Variants in CPNE5 observed in about 807,000 individuals in gnomAD.
CPNE5 encodes the protein copine 5.
In CPNE5, 42 loss-of-function variants were observed where a neutral mutation model predicts 81.1. That is an observed-to-expected ratio of 0.52 (90% CI 0.40 to 0.67). The LOEUF is 0.67. Ranked by LOEUF, CPNE5 falls within the 30% of genes least tolerant of loss-of-function variation. The pLI is 0.00. For synonymous variants in CPNE5, 313 were observed against 321.5 expected (o/e 0.97, Z 0.28); for missense variants, 612 against 815.5 (o/e 0.75, Z 3.04).
At chr6:36,811,663 T>G (rs1315021441) in intron 3 of CPNE5, among the ~76,000 whole-genome samples, 1 of 152,198 alleles carries the variant, frequency 6.6e-6, no homozygotes, top group African/African-American at 2.4e-5. Context: ...AGCCAACTCC[T>G]TTCTTCAAAT....
At chr6:36,743,017 G>A in intron 20 of CPNE5, 1 of 985,408 alleles carries the variant, frequency 1.0e-6, no homozygotes, top group Non-Finnish European at 1.2e-6. Context: ...CTTAGCATGG[G>A]CCGGTCCCAC....
chr6:36,827,108 A>T (rs1772566381), intron 1 of CPNE5, among the ~76,000 whole-genome samples: 1 of 151,882 alleles, frequency 6.6e-6, no homozygotes, highest in Admixed American at 6.6e-5. Flanking sequence ...CCCGCCCCCA[A>T]CACACTCCCA....
intron 1 of CPNE5, among the ~76,000 whole-genome samples, chr6:36,825,335 G>T (rs1426209442): frequency 2.0e-5 from 3 of 152,168 alleles, no homozygotes; most frequent in Admixed American, 6.5e-5. Flanking sequence ...CAGTCCCTGA[G>T]CAGATTCCTA....
chr6:36,768,225 C>CTTTTTCTTTTTTTTTTTTTTT, intron 10 of CPNE5, among the ~76,000 whole-genome samples: 1 of 60,514 alleles, frequency 1.7e-5, no homozygotes, highest in Non-Finnish European at 3.0e-5. Flanking sequence ...ATTCACAGTT[C>CTTTTTCTTTTTTTTTTTTTTT]TTTTTTTTTT....
chr6:36,800,011 A>C lies in CPNE5; in HGVS notation c.243T>G (p.Ile81Met). The C allele has an allele frequency of 6.2e-7, 1 of 1,614,102 alleles. No individual in the cohort carries two copies. The highest frequency in any genetic ancestry group is 8.5e-7 in the Non-Finnish European group (1 of 1,180,014). ...TLNPDFVRKF[I>M]VDYFFEEKQN... ...GCTTCTCCTCGAAAAAGTAATCCAC[A>C]ATGAACTTGCGCACGAAGTCAGGAT... The change falls in exon 4 of 21, where the codon ATT becomes ATG. Residue 81 changes from isoleucine to methionine, a missense_variant. Transcript: ENST00000244751.
At chr6:36,776,982 G>A (rs749834277) in intron 9 of CPNE5, among the ~76,000 whole-genome samples, 54 of 152,200 alleles carry the variant, frequency 3.5e-4, no homozygotes, top group Non-Finnish European at 6.6e-4. Flanking sequence ...GCGGGCCTCC[G>A]GATCAGTTTC....
At position 36,783,116 on chromosome 6, in the gene CPNE5, A is replaced by G. The variant is rs146865641; in HGVS notation, c.529-4159T>C. Among the ~76,000 whole-genome samples, 156 of 152,302 alleles carry G rather than the reference A, an allele frequency of 1.0e-3. 1 individual carries two copies. The highest frequency in any genetic ancestry group is 3.3e-3 in the African/African-American group (139 of 41,560). ...ACCTCATACTAGGGTGAACCATATG[A>G]AATTGCCAATAATCAGCTGTTGTTT... On this transcript the variant is annotated intron_variant, in intron 8 of 20. Transcript: ENST00000244751.
In CPNE5 at chr6:36,798,440, A is replaced by T. The variant is rs1769792709; in HGVS notation, c.327+15T>A. The stretch of plus-strand genomic sequence containing the variant: ...GAAACTATGGAATTGCTGAGCAGTT[A>T]CTGGCAGAACTCACGTGTTTGGATA... On this transcript the variant is annotated intron_variant, in intron 5 of 20. Transcript: ENST00000244751. 5 of 1,613,256 alleles carry T rather than the reference A, an allele frequency of 3.1e-6. No homozygotes were observed. In the African/African-American group the frequency reaches 6.7e-5, roughly 22 times the overall value.
chr6:36,781,576 A>C (rs2150475968), intron 8 of CPNE5, among the ~76,000 whole-genome samples: 1 of 152,272 alleles, frequency 6.6e-6, no homozygotes, highest in Middle Eastern at 3.4e-3. Context: ...CCTCAGGAGA[A>C]AGTTCTAATC....
At chr6:36,829,629 A>G (rs1772807308) in intron 1 of CPNE5, among the ~76,000 whole-genome samples, 1 of 151,792 alleles carries the variant, frequency 6.6e-6, no homozygotes, top group South Asian at 2.1e-4. Flanking sequence ...CCTGACCAAT[A>G]TGGTGAAACC....
intron 8 of CPNE5, among the ~76,000 whole-genome samples, chr6:36,786,113 C>T (rs1768521669): frequency 6.6e-6 from 1 of 150,676 alleles, no homozygotes. Flanking sequence ...CTAGAATTAA[C>T]ATATTGTCTT....
chr6:36,834,516 C>T (rs114711004), intron 1 of CPNE5, among the ~76,000 whole-genome samples: 5,939 of 151,260 alleles, frequency 0.039, 182 homozygotes, highest in South Asian at 0.13. Context: ...CTCAGCCGGG[C>T]GTGATGGTGC....
chr6:36,806,927 C>T (rs575172335), intron 3 of CPNE5, among the ~76,000 whole-genome samples: 1 of 152,374 alleles, frequency 6.6e-6, no homozygotes, highest in Non-Finnish European at 1.5e-5. Flanking sequence ...CACCAGCCTC[C>T]TCCACATTGT....
Position 36,745,146 on chromosome 6 carries a change from C to A in CPNE5, c.1333G>T (p.Ala445Ser). Residue 445 changes from alanine (A) to serine (S), a missense_variant, in exon 18 of 21, where the codon GCA (alanine) becomes TCA (serine). Physicochemically the swap from Ala to Ser is moderately conservative, Grantham distance 99 (BLOSUM62 1). Coordinates refer to ENST00000244751, the MANE Select transcript of CPNE5 (RefSeq NM_020939.2). The stretch of plus-strand genomic sequence containing the variant: ...TGGGAGCCATCCTGCACGGCCGCTG[C>A]ATTCCTGGGTGGGGCAGGTGTGGGC... ...APVVTHVARN[A>S]AAVQDGSQYS... 1.9e-6 allele frequency: 3 copies of A among 1,613,022 alleles called. No individual in the cohort carries two copies. Among genetic ancestry groups the A allele is most frequent in the Non-Finnish European group, 2.5e-6 (3 of 1,179,260 alleles).
chr6:36,816,941 T>C (rs1489040573), intron 3 of CPNE5, among the ~76,000 whole-genome samples: 1 of 152,152 alleles, frequency 6.6e-6, no homozygotes, highest in Non-Finnish European at 1.5e-5. Flanking sequence ...ACCATGCCTG[T>C]CTAATTTTTA....
At chr6:36,771,227 C>T (rs1037603454) in intron 10 of CPNE5, among the ~76,000 whole-genome samples, 1 of 152,160 alleles carries the variant, frequency 6.6e-6, no homozygotes, top group African/African-American at 2.4e-5. Context: ...AGTAAGCCTC[C>T]CCCAGATGCA....
chr6:36,819,417 T>C (rs1371270897), intron 3 of CPNE5, among the ~76,000 whole-genome samples: 3 of 152,208 alleles, frequency 2.0e-5, no homozygotes, highest in Non-Finnish European at 4.4e-5. Flanking sequence ...GTTTCCTTTC[T>C]TTCTTTTTTT....
At chr6:36,783,522 T>TTC (rs35764239) in intron 8 of CPNE5, among the ~76,000 whole-genome samples, 1 of 150,552 alleles carries the variant, frequency 6.6e-6, no homozygotes, top group Non-Finnish European at 1.5e-5. Flanking sequence ...TTCAGACAGG[T>TTC]TCTCTCTCTC....
chr6:36,811,829 C>T (rs1400219458), intron 3 of CPNE5, among the ~76,000 whole-genome samples: 2 of 151,358 alleles, frequency 1.3e-5, no homozygotes, highest in Non-Finnish European at 3.0e-5. Flanking sequence ...TTGGGCTGGG[C>T]GCAGTGGCTC....
Sources: allele counts gnomAD v4.1 joint callset (sites outside exome capture counted in the v4.1 genomes callset), GRCh38; gene constraint gnomAD v4.1.1; transcripts MANE v1.5; gene names NCBI Gene and HGNC (gene_info 2026-07-23, HGNC 2026-07-21).